The following SPRING1 variants were observed in gnomAD, a reference collection of about 807,000 sequenced individuals.
SPRING1 encodes SREBF pathway regulator in golgi 1, also known as SREBP regulating gene protein.
A neutral mutation model predicts 24.7 loss-of-function variants in SPRING1; 14 were observed. That is an observed-to-expected ratio of 0.57 (90% CI 0.37 to 0.88). The LOEUF is 0.88. Among genes scored for constraint, SPRING1 ranks in the 40% least tolerant of loss-of-function variants. The probability of loss-of-function intolerance (pLI) is 0.00; values close to 1 mark genes in which losing one functional copy is unlikely to be tolerated. For missense variants in SPRING1, 255 were observed against 268.4 expected, an observed-to-expected ratio of 0.95 and a Z score of 0.35; for synonymous variants, 93 against 106.1, an observed-to-expected ratio of 0.88 and a Z score of 0.76.
rs1351443606 is a variant in SPRING1, at chr12:116,714,120, TGA to T, written c.*3688_*3689del. 6.6e-6 allele frequency: 1 copy of T among 152,034 alleles called. No individual in the cohort carries two copies. Among genetic ancestry groups the T allele is most frequent in the Non-Finnish European group, 1.5e-5 (1 of 68,044 alleles). 9.4% of individuals were successfully genotyped at this position (152,034 alleles called of 1,614,324 possible). On this transcript the variant is annotated 3_prime_UTR_variant, in exon 5 of 5. Transcript: ENST00000261318. ...TCACATCGACACCTCACAGTGACCC[TGA>T]GAGGCAGATGCTGTGACCCCATTTC...
chr12:116,719,997 G>C, intron 3 of SPRING1, 121 bp from the exon 4 acceptor site: 1 of 906,454 alleles, frequency 1.1e-6, no homozygotes, highest in Non-Finnish European at 1.7e-6. Flanking sequence ...GAGGAGAAAA[G>C]GAGGGAGGGG....
chr12:116,731,417 A>T (rs1450712843), intron 1 of SPRING1, among the ~76,000 whole-genome samples: 2 of 152,090 alleles, frequency 1.3e-5, no homozygotes, highest in Non-Finnish European at 2.9e-5. Context: ...GGGTCCACAG[A>T]CCACATTTTG....
chr12:116,723,140 C>T lies in SPRING1; in HGVS notation c.195G>A (p.Leu65=), dbSNP rs1281642994. 3 of 1,613,492 alleles carry T rather than the reference C, an allele frequency of 1.9e-6. No individual in the cohort carries two copies. Among genetic ancestry groups the T allele is most frequent in the Non-Finnish European group, 2.5e-6 (3 of 1,180,036 alleles). ...GATTGCTCGGACGACTGCTATTGCC[C>T]AAGTTAAACTGCACTTTCCACGGGA... ...QPIPWKVQFN[L]GNSSRPSNQC... The change falls in exon 2 of 5, where the codon TTG becomes TTA. Residue 65 remains leucine, a synonymous_variant. Coordinates refer to ENST00000261318, the MANE Select transcript of SPRING1 (RefSeq NM_024738.4).
rs113188661 is a variant in SPRING1, at chr12:116,713,646, G to C, written c.*4164C>G. ...TATCATCAATGCATTATTTGTAGTA[G>C]CAAAAACAACAAGCAGCCTTGGAAA... On this transcript the variant is annotated 3_prime_UTR_variant, in exon 5 of 5. Transcript: ENST00000261318. 42 of 152,276 alleles carry C rather than the reference G, an allele frequency of 2.8e-4. No homozygotes were observed. The highest frequency in any genetic ancestry group is 8.9e-4 in the African/African-American group (37 of 41,560). 9.4% of individuals were successfully genotyped at this position (152,276 alleles called of 1,614,324 possible).
Position 116,738,016 on chromosome 12 carries a change from C to T in SPRING1, c.-116G>A, listed in dbSNP as rs534596632. 9.0e-7 allele frequency: 1 copy of T among 1,116,066 alleles called. No individual in the cohort carries two copies. Among genetic ancestry groups the T allele is most frequent in the Non-Finnish European group, 1.1e-6 (1 of 912,594 alleles). The allele number at this position is 1,116,066 out of a possible 1,614,324, so 69.1% of individuals were successfully genotyped here. A position where few individuals can be genotyped will look rare whatever the true frequency, so the allele number is the denominator to read the frequency against. On this transcript the variant is annotated 5_prime_UTR_variant, in exon 1 of 5. Coordinates refer to ENST00000261318, the MANE Select transcript of SPRING1 (RefSeq NM_024738.4). ...CATCCCTCCAGGCAGGCGCCGGCCCCGCCGCCCGCAGCCCAGTCTGCTCCC... is the reference window on the plus strand; with the variant it reads ...CATCCCTCCAGGCAGGCGCCGGCCCTGCCGCCCGCAGCCCAGTCTGCTCCC...
Position 116,719,894 on chromosome 12 carries a change from A to G in SPRING1, c.421-18T>C, listed in dbSNP as rs374656191. 86 of 1,604,642 alleles carry G rather than the reference A, an allele frequency of 5.4e-5. No homozygotes were observed. The African/African-American group carries it at 1.0e-3, about 19-fold the overall frequency. On this transcript the variant is annotated intron_variant, in intron 3 of 4. Coordinates refer to ENST00000261318, the MANE Select transcript of SPRING1 (RefSeq NM_024738.4). The stretch of plus-strand genomic sequence containing the variant: ...AGAAGTTGCTATGGAAACAAAAGTT[A>G]GTGCCTGTAATAAATTACCTAAGCC...
chr12:116,724,759 C>T (rs1028575861), intron 1 of SPRING1, among the ~76,000 whole-genome samples: 1 of 152,146 alleles, frequency 6.6e-6, no homozygotes, highest in Non-Finnish European at 1.5e-5. Context: ...ACTGTTACAA[C>T]CAAACTGAGA....
Position 116,717,027 on chromosome 12 carries a change from G to C in SPRING1, c.*783C>G, listed in dbSNP as rs1412229832. The stretch of plus-strand genomic sequence containing the variant: ...GAGAAATTAGATTTCTGCTAAAACA[G>C]TGCTCTCCATAGGGTATATGAGCAC... On this transcript the variant is annotated 3_prime_UTR_variant, in exon 5 of 5. Transcript: ENST00000261318. The surrounding 1 kb of genome is among the most constrained non-coding windows in gnomAD (Gnocchi z 4.2). The C allele has an allele frequency of 6.6e-6, 1 of 152,202 alleles. No individual in the cohort carries two copies. The highest frequency in any genetic ancestry group is 1.5e-5 in the Non-Finnish European group (1 of 68,042). 9.4% of individuals were successfully genotyped at this position (152,202 alleles called of 1,614,324 possible).
chr12:116,727,885 A>G (rs1340770847), intron 1 of SPRING1, among the ~76,000 whole-genome samples: 2 of 152,118 alleles, frequency 1.3e-5, no homozygotes, highest in African/African-American at 4.8e-5. Context: ...CAATATATAT[A>G]TATCTCTCTC....
intron 1 of SPRING1, among the ~76,000 whole-genome samples, chr12:116,733,257 A>T (rs935083978): frequency 6.6e-6 from 1 of 151,646 alleles, no homozygotes; most frequent in Non-Finnish European, 1.5e-5. Context: ...ATCTCGGCTC[A>T]CTGCAACCTC....
rs1161984481 is a variant in SPRING1, at chr12:116,728,700, C to T, written c.112-5477G>A. ...GTGTTCATAGCGTCTTCTCCATCAA[C>T]GGTACACACCCTGGACCCGTACACT... On this transcript the variant is annotated intron_variant, in intron 1 of 4. Coordinates refer to ENST00000261318, the MANE Select transcript of SPRING1 (RefSeq NM_024738.4). The surrounding 1 kb of genome is among the most constrained non-coding windows in gnomAD (Gnocchi z 4.2). Among the ~76,000 whole-genome samples the T allele has an allele frequency of 2.0e-5, 3 of 152,202 alleles. No individual in the cohort carries two copies. The highest frequency in any genetic ancestry group is 4.4e-5 in the Non-Finnish European group (3 of 68,036).
chr12:116,712,361 C>G lies in SPRING1; in HGVS notation c.*5449G>C, dbSNP rs1254708425. On this transcript the variant is annotated 3_prime_UTR_variant, in exon 5 of 5. Coordinates refer to ENST00000261318, the MANE Select transcript of SPRING1 (RefSeq NM_024738.4). ...ACTCGGCTCCCAGCTCAGGTGCAGACCAACGGCGACCACTTGCTCCACTTT... is the reference window on the plus strand; with the variant it reads ...ACTCGGCTCCCAGCTCAGGTGCAGAGCAACGGCGACCACTTGCTCCACTTT... 3 of 152,318 alleles carry G rather than the reference C, an allele frequency of 2.0e-5. No individual in the cohort carries two copies. Among genetic ancestry groups the G allele is most frequent in the Admixed American group, 1.3e-4 (2 of 15,304 alleles). 9.4% of individuals were successfully genotyped at this position (152,318 alleles called of 1,614,324 possible). A position where few individuals can be genotyped will look rare whatever the true frequency, so the allele number is the denominator to read the frequency against.
intron 1 of SPRING1, among the ~76,000 whole-genome samples, chr12:116,725,932 A>C (rs1041259974): frequency 6.6e-6 from 1 of 152,230 alleles, no homozygotes; most frequent in Non-Finnish European, 1.5e-5. Flanking sequence ...TATTCAAAAA[A>C]TTGTTTGAAA....
At position 116,716,463 on chromosome 12, in the gene SPRING1, G is replaced by C. The variant is rs1365354086; in HGVS notation, c.*1347C>G. Reference sequence around the variant, plus strand: ...CTTGCTCAATCCTGAGGTTCGTGAGGAATATAGGAGAGTTGTGTGTTCACG... The same window carrying C: ...CTTGCTCAATCCTGAGGTTCGTGAGCAATATAGGAGAGTTGTGTGTTCACG... On this transcript the variant is annotated 3_prime_UTR_variant, in exon 5 of 5. Transcript: ENST00000261318. 1 of 152,646 alleles carries C rather than the reference G, an allele frequency of 6.6e-6. No individual in the cohort carries two copies. The highest frequency in any genetic ancestry group is 2.4e-5 in the African/African-American group (1 of 41,456). 9.5% of individuals were successfully genotyped at this position (152,646 alleles called of 1,614,324 possible).
chr12:116,718,199 C>T (rs1870251213), intron 4 of SPRING1, among the ~76,000 whole-genome samples: 1 of 152,210 alleles, frequency 6.6e-6, no homozygotes, highest in South Asian at 2.1e-4. Context: ...AACTACTTTT[C>T]CTCAAATTAC....
chr12:116,737,654 A>G (rs777465666), intron 1 of SPRING1, 136 bp downstream of exon 1: 82 of 993,276 alleles, frequency 8.3e-5, no homozygotes, highest in Admixed American at 2.1e-4. Context: ...GGGGAGAAAG[A>G]AAGGAAGGGA....
chr12:116,714,036 C>G lies in SPRING1; in HGVS notation c.*3774G>C, dbSNP rs1592910542. On this transcript the variant is annotated 3_prime_UTR_variant, in exon 5 of 5. Transcript: ENST00000261318. Reference sequence around the variant, plus strand: ...TATCCGAGCCGACCCCTGACTGCCCCTGCCATTGCTCCCTGCTGAGTTGCA... The same window carrying G: ...TATCCGAGCCGACCCCTGACTGCCCGTGCCATTGCTCCCTGCTGAGTTGCA... The G allele has an allele frequency of 6.6e-6, 1 of 152,266 alleles. No homozygotes were observed. Among genetic ancestry groups the G allele is most frequent in the Non-Finnish European group, 1.5e-5 (1 of 68,050 alleles). The allele number at this position is 152,266 out of a possible 1,614,324, so 9.4% of individuals were successfully genotyped here.
intron 1 of SPRING1, among the ~76,000 whole-genome samples, chr12:116,727,893 C>T (rs1247612980): frequency 6.6e-6 from 1 of 152,136 alleles, no homozygotes; most frequent in Non-Finnish European, 1.5e-5. Context: ...ATATATCTCT[C>T]TCTCTTAATA....
At position 116,720,241 on chromosome 12, in the gene SPRING1, A is replaced by G; in HGVS notation, c.420+55T>C. On this transcript the variant is annotated intron_variant, in intron 3 of 4. Transcript: ENST00000261318. This position sits in a 1 kb window ranked among gnomAD's most constrained non-coding sequence, Gnocchi z 4.0. ...ACATGAAGAGCCTAATGCTCATCAT[A>G]AAACAGAGGCCGAAAGAAAAAAGGA... The G allele has an allele frequency of 6.5e-7, 1 of 1,545,612 alleles. No homozygotes were observed. The highest frequency in any genetic ancestry group is 8.7e-7 in the Non-Finnish European group (1 of 1,151,050).
Sources: gnomAD v4.1 joint callset for allele counts (sites outside exome capture counted in the v4.1 genomes callset) on GRCh38, gnomAD v4.1.1 for gene constraint, Gnocchi (gnomAD v3.1) non-coding constraint, MANE v1.5 for transcripts, NCBI Gene and HGNC (gene_info 2026-07-23, HGNC 2026-07-21) for gene names.